The following SIDT1 variants were observed in gnomAD, a reference collection of about 807,000 sequenced individuals.
The protein encoded by SIDT1 is SID1 transmembrane family member 1, also known as SID1 transmembrane family, member 1.
In SIDT1, 101 loss-of-function variants were observed where a neutral mutation model predicts 107.5. That is an observed-to-expected ratio of 0.94 (90% CI 0.80 to 1.11). The LOEUF (loss-of-function observed/expected upper bound fraction) is 1.11. Among genes scored for constraint, SIDT1 ranks in the 50% least tolerant of loss-of-function variants. The pLI, the probability that SIDT1 is intolerant of heterozygous loss-of-function variation, is 0.00. For synonymous variants in SIDT1, 395 were observed against 398.2 expected (o/e 0.99, Z 0.10); for missense variants, 1,076 against 1,058.2 (o/e 1.02, Z -0.23).
intron 1 of SIDT1, among the ~76,000 whole-genome samples, chr3:113,551,910 G>C (rs1940292680): frequency 6.6e-6 from 1 of 151,702 alleles, no homozygotes; most frequent in African/African-American, 2.4e-5. Flanking sequence ...TCAGGAACAG[G>C]GCATCTTGGA....
At chr3:113,559,531 T>C (rs998137958) in intron 1 of SIDT1, among the ~76,000 whole-genome samples, 1 of 152,100 alleles carries the variant, frequency 6.6e-6, no homozygotes, top group Non-Finnish European at 1.5e-5. Flanking sequence ...AACCTCTGCA[T>C]CCTGGGCTCA....
chr3:113,602,969 C>T (rs1317457704), intron 11 of SIDT1, 36 bp from the exon 12 acceptor site: 14 of 1,608,164 alleles, frequency 8.7e-6, no homozygotes, highest in Non-Finnish European at 1.1e-5. Flanking sequence ...AGGCTCTCCA[C>T]GGCTTTTGAT....
intron 1 of SIDT1, among the ~76,000 whole-genome samples, chr3:113,538,806 G>C (rs1938482838): frequency 6.6e-6 from 1 of 152,164 alleles, no homozygotes. Context: ...TCGGCAGAAA[G>C]AAAGGGGAAA....
chr3:113,604,181 C>A, intron 13 of SIDT1, 148 bp downstream of exon 13: 1 of 573,338 alleles, frequency 1.7e-6, no homozygotes, highest in Non-Finnish European at 3.0e-6. Flanking sequence ...AGTAGACCTG[C>A]AATGGCCACA....
chr3:113,565,269 C>T (rs1371085936), intron 1 of SIDT1, among the ~76,000 whole-genome samples: 3 of 152,130 alleles, frequency 2.0e-5, no homozygotes, highest in Non-Finnish European at 4.4e-5. Context: ...CAGTGGCTCA[C>T]ACCTGTAATC....
chr3:113,553,966 G>C (rs1235528703), intron 1 of SIDT1, among the ~76,000 whole-genome samples: 1 of 152,212 alleles, frequency 6.6e-6, no homozygotes, highest in Non-Finnish European at 1.5e-5. Flanking sequence ...AGAATCGCTT[G>C]AACCCAGGAG....
At chr3:113,548,832 A>G (rs1939887971) in intron 1 of SIDT1, among the ~76,000 whole-genome samples, 1 of 152,148 alleles carries the variant, frequency 6.6e-6, no homozygotes, top group South Asian at 2.1e-4. Context: ...TCAATATATA[A>G]GTATTCAAAT....
chr3:113,604,993 C>G lies in SIDT1; in HGVS notation c.1404+17C>G. ...TATCAGACAGTAAGTGCTGCCCCAG[C>G]CCCAGCCCCAGAGTCCCAGCTTTCT... is the stretch of plus-strand genomic sequence containing the variant. On this transcript the variant is annotated intron_variant, in intron 14 of 24. Coordinates refer to ENST00000264852, the MANE Select transcript of SIDT1 (RefSeq NM_017699.3). The G allele has an allele frequency of 6.2e-7, 1 of 1,613,070 alleles. No individual in the cohort carries two copies. Among genetic ancestry groups the G allele is most frequent in the Non-Finnish European group, 8.5e-7 (1 of 1,179,632 alleles).
intron 21 of SIDT1, among the ~76,000 whole-genome samples, chr3:113,622,081 T>C (rs1946495509): frequency 6.6e-6 from 1 of 152,146 alleles, no homozygotes; most frequent in African/African-American, 2.4e-5. Context: ...ATTAGAAATA[T>C]GAATCAGTGA....
In SIDT1 at chr3:113,533,163, T is replaced by G; in HGVS notation, c.142T>G (p.Phe48Val). 1 of 1,576,708 alleles carries G rather than the reference T, an allele frequency of 6.3e-7. No homozygotes were observed. The highest frequency in any genetic ancestry group is 8.6e-7 in the Non-Finnish European group (1 of 1,162,904). Residue 48 changes from phenylalanine (F) to valine (V), a missense_variant, in exon 1 of 25, where the codon TTC (phenylalanine) becomes GTC (valine). Coordinates refer to ENST00000264852, the MANE Select transcript of SIDT1 (RefSeq NM_017699.3). ...DPFDAARGAD[F>V]DHVYSGVVNL... ...CTTCGACGCTGCCAGGGGCGCCGAT[T>G]TCGATCATGTCTACAGCGGGGTGGT...
rs1335324111 is a variant in SIDT1, at chr3:113,578,336, G to A, written c.561+1369G>A. On this transcript the variant is annotated intron_variant, in intron 4 of 24. Transcript: ENST00000264852. ...CAAAAAATTACCCGGGCATGGTGGC[G>A]GGCGCCTGTGGTCCCAGCTACTCGG... Among the ~76,000 whole-genome samples, 4 of 151,990 alleles carry A rather than the reference G, an allele frequency of 2.6e-5. No individual in the cohort carries two copies. In the East Asian group the frequency reaches 5.8e-4, roughly 22 times the overall value.
chr3:113,597,421 C>A (rs112521248), intron 10 of SIDT1, among the ~76,000 whole-genome samples: 1 of 148,834 alleles, frequency 6.7e-6, no homozygotes, highest in Non-Finnish European at 1.5e-5. Context: ...CACTTGAACC[C>A]GGGAGGCAGA....
At chr3:113,567,020 G>A (rs986699715) in intron 2 of SIDT1, among the ~76,000 whole-genome samples, 1 of 152,168 alleles carries the variant, frequency 6.6e-6, no homozygotes, top group Non-Finnish European at 1.5e-5. Context: ...TTTTTCAGGG[G>A]AGAAGTGTAT....
chr3:113,598,873 T>A (rs1944759392), intron 10 of SIDT1, among the ~76,000 whole-genome samples: 1 of 152,200 alleles, frequency 6.6e-6, no homozygotes, highest in African/African-American at 2.4e-5. Context: ...ACACCTGTAA[T>A]CCCAGCACTT....
At chr3:113,615,760 A>G (rs1409322287) in intron 19 of SIDT1, among the ~76,000 whole-genome samples, 4 of 152,240 alleles carry the variant, frequency 2.6e-5, no homozygotes, top group Admixed American at 6.5e-5. Context: ...CATCTCTACT[A>G]TAAAGAAAAC....
chr3:113,600,734 C>G (rs879621693), intron 10 of SIDT1, among the ~76,000 whole-genome samples: 7 of 152,222 alleles, frequency 4.6e-5, no homozygotes, highest in Non-Finnish European at 1.0e-4. Flanking sequence ...TCATACTTAA[C>G]AGTCTGAAGG....
intron 10 of SIDT1, among the ~76,000 whole-genome samples, chr3:113,598,131 A>G (rs1333540216): frequency 6.6e-6 from 1 of 152,230 alleles, no homozygotes; most frequent in Non-Finnish European, 1.5e-5. Context: ...CTTATCTGTC[A>G]CAGAACCCAT....
At chr3:113,626,666 G>C (rs1311619902) in intron 24 of SIDT1, among the ~76,000 whole-genome samples, 2 of 152,106 alleles carry the variant, frequency 1.3e-5, no homozygotes, top group Admixed American at 1.3e-4. Flanking sequence ...TAGCAGCCAC[G>C]TGTCTGTTGC....
At chr3:113,587,001 A>G (rs534008928) in intron 9 of SIDT1, among the ~76,000 whole-genome samples, 13 of 152,242 alleles carry the variant, frequency 8.5e-5, no homozygotes, top group Non-Finnish European at 1.9e-4. Flanking sequence ...TATTGAGTCA[A>G]TTGACAAAAC....
Sources: gnomAD v4.1 joint callset for allele counts (sites outside exome capture counted in the v4.1 genomes callset) on GRCh38, gnomAD v4.1.1 for gene constraint, MANE v1.5 for transcripts, NCBI Gene and HGNC (gene_info 2026-07-23, HGNC 2026-07-21) for gene names.